Variants in DST observed in about 807,000 individuals in gnomAD.
DST encodes the protein bullous pemphigoid antigen.
Under a neutral mutation model 875.2 loss-of-function variants are expected in DST, and 253 were observed. The observed-to-expected ratio is 0.29, with a 90% CI of 0.26 to 0.32. DST has a LOEUF of 0.32. Ranked by LOEUF, DST falls within the 10% of genes least tolerant of loss-of-function variation. The pLI is 1.00. For synonymous variants in DST, 3,124 were observed against 3,197.1 expected, an observed-to-expected ratio of 0.98 and a Z score of 0.77; for missense variants, 8,287 against 9,111.6, an observed-to-expected ratio of 0.91 and a Z score of 3.68.
At chr6:56,509,581 A>C in intron 74 of DST, 61 bp downstream of exon 74, 1 of 1,289,700 alleles carries the variant, frequency 7.8e-7, no homozygotes, top group Non-Finnish European at 1.1e-6. Context: ...TTGGACGGTG[A>C]GTAAACCGCA....
chr6:56,474,171 C>A (rs1290406161), intron 92 of DST, 169 bp from the exon 93 acceptor site: 4 of 569,640 alleles, frequency 7.0e-6, no homozygotes, highest in Non-Finnish European at 1.2e-5. Context: ...ATACTGCAGG[C>A]ATTTACTAAT....
chr6:56,475,106 T>C lies in DST; in HGVS notation c.21864+1043A>G, dbSNP rs187447791. Among the ~76,000 whole-genome samples the C allele has an allele frequency of 3.1e-4, 47 of 152,184 alleles. 1 individual carries two copies. The East Asian group carries it at 8.1e-3, about 26-fold the overall frequency. On this transcript the variant is annotated intron_variant, in intron 92 of 103. Transcript: ENST00000680361. ...CTATTTGGGTTAAAGTATACTACCA[T>C]TGTATTTAAAAGGTTTAACTATCTT...
chr6:56,929,931 A>C (rs1231468818), intron 2 of DST, among the ~76,000 whole-genome samples: 1 of 152,236 alleles, frequency 6.6e-6, no homozygotes, highest in African/African-American at 2.4e-5. Context: ...ATCACCCATC[A>C]CTGTAAGATA....
At chr6:56,845,507 C>G (rs894154676) in intron 4 of DST, among the ~76,000 whole-genome samples, 1 of 152,210 alleles carries the variant, frequency 6.6e-6, no homozygotes, top group African/African-American at 2.4e-5. Context: ...TGAGTTTGAA[C>G]CACTGTCCCA....
chr6:56,640,502 A>G lies in DST; in HGVS notation c.2131T>C (p.Ser711Pro), dbSNP rs998147309. 1.2e-6 allele frequency: 2 copies of G among 1,614,160 alleles called. 1 individual carries two copies. Among genetic ancestry groups the G allele is most frequent in the South Asian group, 2.2e-5 (2 of 91,088 alleles). The change falls in exon 18 of 104, where the codon TCA (serine) becomes CCA (proline). Residue 711 changes from serine (S) to proline (P), a missense_variant. By Grantham distance (74) the Ser-to-Pro change is moderately conservative (BLOSUM62 -1). Around this residue, in one of 10 missense-constraint regions of DST, gnomAD observed 1,160 missense variants for 1,424.3 expected, o/e 0.81. Transcript: ENST00000680361. Reference protein sequence around the residue: ...LTTEQTKLMISGITQSLNSGF... With the variant: ...LTTEQTKLMIPGITQSLNSGF... ...GAGTTTAAACTTTGAGTGATTCCTG[A>G]TATCATGAGCTTTGTCTGTTCTGTT... is the stretch of plus-strand genomic sequence containing the variant.
chr6:56,859,855 C>T (rs1770049456), intron 3 of DST, among the ~76,000 whole-genome samples: 1 of 152,020 alleles, frequency 6.6e-6, no homozygotes, highest in Non-Finnish European at 1.5e-5. Flanking sequence ...AAATATGGCT[C>T]ATAGTAGAAA....
Position 56,526,364 on chromosome 6 carries a change from C to T in DST, c.18126G>A (p.Gln6042=), listed in dbSNP as rs767309219. The T allele has an allele frequency of 5.6e-6, 9 of 1,613,580 alleles. No homozygotes were observed. Among genetic ancestry groups the T allele is most frequent in the Non-Finnish European group, 7.6e-6 (9 of 1,179,730 alleles). ...ACAACAAACCATTTTTCCCTACCTG[C>T]TGTGATCGCAGAATGGCTGCATCGA... ...EEIDAAILRS[Q]QFDQAADAEL... is the part of the protein sequence containing the mutation. Residue 6042 remains glutamine, a synonymous_variant, in exon 69 of 104, where the codon CAG becomes CAA. Coordinates refer to ENST00000680361, the MANE Select transcript of DST (RefSeq NM_001374736.1).
intron 5 of DST, among the ~76,000 whole-genome samples, chr6:56,705,131 T>TAAC (rs987141218): frequency 5.9e-5 from 9 of 152,212 alleles, no homozygotes; most frequent in African/African-American, 2.2e-4. Flanking sequence ...ATAGCTCTAG[T>TAAC]AACCACATGG....
rs191081991 is a variant in DST, at chr6:56,553,483, A to C, written c.15309T>G (p.Phe5103Leu). Residue 5103 changes from phenylalanine (F) to leucine (L), a missense_variant, in exon 61 of 104, where the codon TTT becomes TTG. This residue lies in a region of DST where 1,513 missense variants were observed against 1,677.8 expected (regional missense o/e 0.90). Coordinates refer to ENST00000680361, the MANE Select transcript of DST (RefSeq NM_001374736.1). ...LESLIKDHKD[F>L]SKTLTAQSHM... ...GAGACTGAGCGGTCAAAGTTTTACT[A>C]AAGTCTTTATGATCTTTAATTAATG... The C allele has an allele frequency of 6.2e-7, 1 of 1,613,490 alleles. No individual in the cohort carries two copies.
At chr6:56,772,511 C>T (rs568238919) in intron 4 of DST, among the ~76,000 whole-genome samples, 16 of 152,248 alleles carry the variant, frequency 1.1e-4, no homozygotes, top group South Asian at 1.0e-3. Context: ...CATTATCTTT[C>T]GGGATCCCAA....
intron 93 of DST, among the ~76,000 whole-genome samples, chr6:56,472,556 G>A (rs115925501): frequency 0.025 from 3,834 of 152,198 alleles, 72 homozygotes; most frequent in Non-Finnish European, 0.042. Context: ...CCTCCACTTT[G>A]TTAAAGGAAA....
rs375362610 is a variant in DST at position 56,460,249 on chromosome 6, C to T, written c.23076G>A (p.Thr7692=). The change falls in exon 103 of 104, where the codon ACG becomes ACA. Residue 7692 remains threonine, a synonymous_variant. Transcript: ENST00000680361. ...GTCGAAGCTTGCTTCCTTGTATTGGCGTTCCCTGTATTTAACCAGCAACAA... is the reference window on the plus strand; with the variant it reads ...GTCGAAGCTTGCTTCCTTGTATTGGTGTTCCCTGTATTTAACCAGCAACAA... ...SDFPVPSAEG[T]PIQGSKLRLP... is the part of the protein sequence containing the mutation. 3.4e-5 allele frequency: 55 copies of T among 1,613,778 alleles called. No individual in the cohort carries two copies. Among genetic ancestry groups the T allele is most frequent in the East Asian group, 2.5e-4 (11 of 44,896 alleles).
At chr6:56,685,653 T>C (rs991805220) in intron 9 of DST, among the ~76,000 whole-genome samples, 1 of 152,008 alleles carries the variant, frequency 6.6e-6, no homozygotes, top group Non-Finnish European at 1.5e-5. Context: ...ATGTCTGTAA[T>C]CCCAGCTACT....
At chr6:56,479,980 T>C (rs2095345936) in intron 90 of DST, among the ~76,000 whole-genome samples, 2 of 152,224 alleles carry the variant, frequency 1.3e-5, no homozygotes, top group African/African-American at 4.8e-5. Flanking sequence ...CTTTTGTCTT[T>C]AACCTCTGTG....
At chr6:56,762,052 C>T (rs917247025) in intron 4 of DST, among the ~76,000 whole-genome samples, 1 of 151,614 alleles carries the variant, frequency 6.6e-6, no homozygotes, top group African/African-American at 2.4e-5. Flanking sequence ...CAGAGTTTTG[C>T]TCTTGTTGTC....
At chr6:56,922,942 A>C (rs1216813602) in intron 2 of DST, among the ~76,000 whole-genome samples, 1 of 152,176 alleles carries the variant, frequency 6.6e-6, no homozygotes, top group Non-Finnish European at 1.5e-5. Context: ...GCTAAAAATA[A>C]CTCTAGATTC....
intron 2 of DST, among the ~76,000 whole-genome samples, chr6:56,916,675 C>A (rs1421407353): frequency 6.6e-6 from 1 of 151,356 alleles, no homozygotes; most frequent in African/African-American, 2.4e-5. Context: ...ATCTCCTGAG[C>A]CTGGGGGGTC....
Position 56,607,214 on chromosome 6 carries a change from T to G in DST, c.7414A>C (p.Ser2472Arg), listed in dbSNP as rs748993922. 1 of 1,613,544 alleles carries G rather than the reference T, an allele frequency of 6.2e-7. No homozygotes were observed. Reference sequence around the variant, plus strand: ...TGACCTGACAACATGGTTTTGTCACTGAATGATAAGGCTGGGGCTTCACAC... The same window carrying G: ...TGACCTGACAACATGGTTTTGTCACGGAATGATAAGGCTGGGGCTTCACAC... Reference protein sequence around the residue: ...NKCEAPALSFSDKTMLSGQRI... With the variant: ...NKCEAPALSFRDKTMLSGQRI... The change falls in exon 40 of 104, where the codon AGT (serine) becomes CGT (arginine). Residue 2472 changes from serine (S) to arginine (R), a missense_variant. Transcript: ENST00000680361.
intron 10 of DST, among the ~76,000 whole-genome samples, chr6:56,662,347 A>G (rs1178879228): frequency 3.9e-5 from 6 of 152,382 alleles, no homozygotes; most frequent in African/African-American, 1.2e-4. Context: ...TACAAAGTTC[A>G]GTACAACAGT....
Sources: gnomAD v4.1 joint callset for allele counts (sites outside exome capture counted in the v4.1 genomes callset) on GRCh38, gnomAD v4.1.1 for gene constraint, gnomAD v4.1.1 regional missense constraint, MANE v1.5 for transcripts, NCBI Gene and HGNC (gene_info 2026-07-23, HGNC 2026-07-21) for gene names.